Variants in TMEM135 observed in about 807,000 individuals in gnomAD.
TMEM135 encodes the protein transmembrane protein 135.
A neutral mutation model predicts 60.3 loss-of-function variants in TMEM135; 30 were observed. That is an observed-to-expected ratio of 0.50 (90% confidence interval 0.37 to 0.68). The LOEUF (loss-of-function observed/expected upper bound fraction) is 0.68. TMEM135 is among the 30% of genes least tolerant of loss of function. TMEM135 has a pLI of 0.00. For missense variants in TMEM135, 468 were observed against 548.8 expected (o/e 0.85, Z 1.47); for synonymous variants, 190 against 186.7 (o/e 1.02, Z -0.14).
chr11:87,320,866 T>TA, intron 14 of TMEM135, among the ~76,000 whole-genome samples: 1 of 152,156 alleles, frequency 6.6e-6, no homozygotes, highest in Non-Finnish European at 1.5e-5. Context: ...TCATTCATCA[T>TA]AAAAATAATA....
intron 4 of TMEM135, among the ~76,000 whole-genome samples, chr11:87,127,554 T>C (rs1014142755): frequency 5.3e-5 from 8 of 152,350 alleles, no homozygotes; most frequent in Admixed American, 4.6e-4. Flanking sequence ...GAGTATAATT[T>C]GGTATAGTAT....
At chr11:87,282,801 C>T (rs1251494885) in intron 6 of TMEM135, among the ~76,000 whole-genome samples, 2 of 152,118 alleles carry the variant, frequency 1.3e-5, no homozygotes, top group Admixed American at 6.5e-5. Context: ...CCTCCTTGGG[C>T]CTTGGTTTCT....
chr11:87,291,595 G>C (rs1942264548), intron 6 of TMEM135, among the ~76,000 whole-genome samples: 1 of 123,166 alleles, frequency 8.1e-6, no homozygotes, highest in African/African-American at 3.0e-5. Context: ...GCAATGGTGT[G>C]ATCTTGGCTC....
In TMEM135 at chr11:87,327,771, T is replaced by TG. The variant is rs1327218296; in HGVS notation, c.*6443dup. 2.2e-6 allele frequency: 1 copy of TG among 453,884 alleles called. No individual in the cohort carries two copies. The highest frequency in any genetic ancestry group is 7.0e-5 in the East Asian group (1 of 14,388). The allele number at this position is 453,884 out of a possible 1,614,324, so 28.1% of individuals were successfully genotyped here. A position where few individuals can be genotyped will look rare whatever the true frequency, so the allele number is the denominator to read the frequency against. On this transcript the variant is annotated 3_prime_UTR_variant, in exon 15 of 15. Coordinates refer to ENST00000305494, the MANE Select transcript of TMEM135 (RefSeq NM_022918.4). Reference sequence around the variant, plus strand: ...CAAGTCTGAGAACCTGGGGGTGGGATGGGGGAGTGATAGTTTTAAGTCCTG... The same window carrying TG: ...CAAGTCTGAGAACCTGGGGGTGGGATGGGGGGAGTGATAGTTTTAAGTCCTG...
chr11:87,065,937 G>A (rs533241798), intron 1 of TMEM135, among the ~76,000 whole-genome samples: 1 of 152,292 alleles, frequency 6.6e-6, no homozygotes, highest in South Asian at 2.1e-4. Flanking sequence ...TGTTGTTTGT[G>A]TCTATTTCCC....
intron 8 of TMEM135, among the ~76,000 whole-genome samples, chr11:87,305,220 GA>G (rs1459621469): frequency 1.3e-5 from 2 of 151,946 alleles, no homozygotes; most frequent in Non-Finnish European, 2.9e-5. Context: ...CTTCATGGAT[GA>G]TTTATTACCA....
At chr11:87,248,114 T>C (rs997532882) in intron 6 of TMEM135, among the ~76,000 whole-genome samples, 4 of 152,200 alleles carry the variant, frequency 2.6e-5, no homozygotes, top group South Asian at 2.1e-4. Flanking sequence ...TGGGAACTTA[T>C]ATTGCTTGCA....
At chr11:87,090,538 A>G (rs1397794157) in intron 3 of TMEM135, among the ~76,000 whole-genome samples, 1 of 152,110 alleles carries the variant, frequency 6.6e-6, no homozygotes, top group African/African-American at 2.4e-5. Context: ...ATTTTCTTTG[A>G]GTACTGAAAA....
intron 4 of TMEM135, among the ~76,000 whole-genome samples, chr11:87,125,459 A>C (rs551119533): frequency 6.6e-6 from 1 of 152,334 alleles, no homozygotes; most frequent in East Asian, 1.9e-4. Flanking sequence ...CATCTTGAGA[A>C]AATCTTATGC....
intron 5 of TMEM135, among the ~76,000 whole-genome samples, chr11:87,181,525 T>C (rs1423741319): frequency 6.6e-6 from 1 of 152,168 alleles, no homozygotes; most frequent in Non-Finnish European, 1.5e-5. Context: ...TATGACATTC[T>C]GCAAAAGCAA....
At chr11:87,045,616 C>A (rs1203424673) in intron 1 of TMEM135, among the ~76,000 whole-genome samples, 1 of 152,210 alleles carries the variant, frequency 6.6e-6, no homozygotes, top group Non-Finnish European at 1.5e-5. Flanking sequence ...CTAATAATCC[C>A]TCTGGTAACA....
At chr11:87,312,232 C>G (rs1942651630) in intron 10 of TMEM135, among the ~76,000 whole-genome samples, 3 of 141,294 alleles carry the variant, frequency 2.1e-5, no homozygotes, top group South Asian at 2.2e-4. Context: ...TGGCTCCATT[C>G]TAGCTTCACT....
At chr11:87,300,335 A>G (rs1199118498) in intron 7 of TMEM135, among the ~76,000 whole-genome samples, 1 of 152,252 alleles carries the variant, frequency 6.6e-6, no homozygotes, top group African/African-American at 2.4e-5. Flanking sequence ...CAAGAACACA[A>G]CCACGGGAGA....
Position 87,321,400 on chromosome 11 carries a change from A to C in TMEM135, c.*67A>C, listed in dbSNP as rs1942817076. On this transcript the variant is annotated 3_prime_UTR_variant, in exon 15 of 15. Coordinates refer to ENST00000305494, the MANE Select transcript of TMEM135 (RefSeq NM_022918.4). ...GAAGAGTTAATTATGTTGAACACAA[A>C]GGAGGGGGCCCAAGCTCGAACTTCA... The C allele has an allele frequency of 6.4e-7, 1 of 1,565,704 alleles. No individual in the cohort carries two copies.
chr11:87,285,657 G>C (rs183463686), intron 6 of TMEM135, among the ~76,000 whole-genome samples: 2 of 152,196 alleles, frequency 1.3e-5, no homozygotes, highest in South Asian at 4.1e-4. Flanking sequence ...AAAGAAGTGC[G>C]GACCTAAAGA....
At chr11:87,106,943 G>T (rs920403998) in intron 4 of TMEM135, among the ~76,000 whole-genome samples, 8 of 152,080 alleles carry the variant, frequency 5.3e-5, no homozygotes, top group African/African-American at 1.9e-4. Context: ...CATGTCACGT[G>T]GTGAAAGCAA....
At position 87,097,523 on chromosome 11, in the gene TMEM135, A is replaced by G. The variant is rs1857357377; in HGVS notation, c.396+6128A>G. Among the ~76,000 whole-genome samples the G allele has an allele frequency of 2.0e-5, 3 of 152,158 alleles. No homozygotes were observed. In the South Asian group the frequency reaches 6.2e-4, roughly 32 times the overall value. On this transcript the variant is annotated intron_variant, in intron 4 of 14. Transcript: ENST00000305494. ...AATCTTAACTATCTATGGTTAAAAT[A>G]CCTTACTTTTGCCAATGTTACCAAA...
chr11:87,251,592 A>G (rs1481336123), intron 6 of TMEM135, among the ~76,000 whole-genome samples: 1 of 83,552 alleles, frequency 1.2e-5, no homozygotes, highest in Non-Finnish European at 3.0e-5. Flanking sequence ...GATATTTTAT[A>G]TATTATGATT....
chr11:87,038,093 C>T lies in TMEM135; in HGVS notation c.48C>T (p.Gly16=), dbSNP rs544536257. The T allele has an allele frequency of 1.9e-6, 3 of 1,614,170 alleles. No individual in the cohort carries two copies. Among genetic ancestry groups the T allele is most frequent in the East Asian group, 2.2e-5 (1 of 44,874 alleles). The change falls in exon 1 of 15, where the codon GGC becomes GGT. Residue 16 remains glycine (G), a synonymous_variant. Coordinates refer to ENST00000305494, the MANE Select transcript of TMEM135 (RefSeq NM_022918.4). ...TCCCTCATAACTGCTATGAGATCGG[C>T]CACACTTGGCACCCTTCCTGCCGGG... ...KSIPHNCYEI[G]HTWHPSCRVS...
Sources: gnomAD v4.1 joint callset for allele counts (sites outside exome capture counted in the v4.1 genomes callset) on GRCh38, gnomAD v4.1.1 for gene constraint, MANE v1.5 for transcripts, NCBI Gene and HGNC (gene_info 2026-07-23, HGNC 2026-07-21) for gene names.